Variants in SPATA13 observed in about 807,000 individuals in gnomAD.
SPATA13 encodes spermatogenesis associated 13, also known as spermatogenesis-associated protein 13.
Under a neutral mutation model 104.0 loss-of-function variants are expected in SPATA13, and 50 were observed. The ratio of observed to expected loss-of-function variants is 0.48; its 90% CI spans 0.38 to 0.61. The LOEUF (loss-of-function observed/expected upper bound fraction) is 0.61, where lower values mean the gene tolerates loss of function less well. Ranked by LOEUF, SPATA13 falls within the 20% of genes least tolerant of loss-of-function variation. SPATA13 has a pLI of 0.00. For synonymous variants in SPATA13, 606 were observed against 667.5 expected, an observed-to-expected ratio of 0.91 and a Z score of 1.42; for missense variants, 1,524 against 1,690.6, an observed-to-expected ratio of 0.90 and a Z score of 1.73.
chr13:24,258,251 A>T (rs542713049), intron 4 of SPATA13, among the ~76,000 whole-genome samples: 1 of 151,588 alleles, frequency 6.6e-6, no homozygotes, highest in Non-Finnish European at 1.5e-5. Context: ...AAAAAAAATA[A>T]AAAGAACTCT....
chr13:24,199,632 G>A (rs1870287680), intron 1 of SPATA13, among the ~76,000 whole-genome samples: 1 of 152,170 alleles, frequency 6.6e-6, no homozygotes, highest in African/African-American at 2.4e-5. Flanking sequence ...ATTGGCCAAT[G>A]TGTAGGTTTA....
chr13:24,052,470 T>G (rs1878378131), intron 3 of SPATA13, among the ~76,000 whole-genome samples: 1 of 146,968 alleles, frequency 6.8e-6, no homozygotes, highest in Non-Finnish European at 1.5e-5. Context: ...GGGTTCTAAC[T>G]ATTGATAAAA....
chr13:24,268,895 A>G (rs1008951112), intron 4 of SPATA13, among the ~76,000 whole-genome samples: 1 of 152,154 alleles, frequency 6.6e-6, no homozygotes, highest in Non-Finnish European at 1.5e-5. Context: ...CCTTACCTGG[A>G]TTTGAGGGTG....
chr13:24,077,316 C>T (rs1879365129), intron 3 of SPATA13, among the ~76,000 whole-genome samples: 1 of 144,944 alleles, frequency 6.9e-6, no homozygotes, highest in Admixed American at 6.9e-5. Context: ...TGGTTTAATT[C>T]ACAGTAGAGG....
chr13:24,113,862 C>T (rs1356950235), intron 3 of SPATA13, among the ~76,000 whole-genome samples: 1 of 111,766 alleles, frequency 8.9e-6, no homozygotes, highest in Non-Finnish European at 1.7e-5. Flanking sequence ...GAGTGAGACT[C>T]GATCTCAAAA....
chr13:24,057,027 C>G (rs1222399917), intron 3 of SPATA13, among the ~76,000 whole-genome samples: 1 of 111,954 alleles, frequency 8.9e-6, no homozygotes, highest in African/African-American at 3.2e-5. Context: ...CTCTCTCTCT[C>G]TCTCTTTCTT....
intron 3 of SPATA13, among the ~76,000 whole-genome samples, chr13:24,038,575 A>G (rs138725153): frequency 6.6e-6 from 1 of 152,148 alleles, no homozygotes. Context: ...TCTTCGGTAA[A>G]GTGCCGAGAG....
intron 1 of SPATA13, among the ~76,000 whole-genome samples, chr13:24,190,787 A>C (rs1274613893): frequency 6.6e-6 from 1 of 152,228 alleles, no homozygotes; most frequent in Non-Finnish European, 1.5e-5. Context: ...AATGACAACA[A>C]AGGATTTAGA....
In SPATA13 at chr13:24,286,655, C is replaced by A; in HGVS notation, c.2482-110C>A. The A allele has an allele frequency of 9.2e-7, 1 of 1,081,120 alleles. No homozygotes were observed. The highest frequency in any genetic ancestry group is 1.3e-6 in the Non-Finnish European group (1 of 759,950). 67.0% of individuals were successfully genotyped at this position (1,081,120 alleles called of 1,614,324 possible). ...CCATGAGACTCAGGCGAGGGCCAGG[C>A]TGCCTTCCTAACAGGTCACAGGAAA... On this transcript the variant is annotated intron_variant, in intron 6 of 12. Coordinates refer to ENST00000382108, the MANE Select transcript of SPATA13 (RefSeq NM_001166271.3). This position sits in a 1 kb window ranked among gnomAD's most constrained non-coding sequence, Gnocchi z 4.9.
intron 3 of SPATA13, among the ~76,000 whole-genome samples, chr13:24,075,837 G>C (rs1246523091): frequency 6.6e-6 from 1 of 152,170 alleles, no homozygotes; most frequent in Non-Finnish European, 1.5e-5. Flanking sequence ...GGGCCTGAAA[G>C]CATTTGCCGC....
chr13:24,170,329 T>C (rs1379532200), intron 1 of SPATA13, among the ~76,000 whole-genome samples: 1 of 152,238 alleles, frequency 6.6e-6, no homozygotes, highest in Non-Finnish European at 1.5e-5. Flanking sequence ...TTTCAGTGCA[T>C]GCCCAACTGC....
chr13:24,218,235 G>A (rs1196761423), intron 1 of SPATA13, among the ~76,000 whole-genome samples: 1 of 152,214 alleles, frequency 6.6e-6, no homozygotes, highest in Admixed American at 6.5e-5. Flanking sequence ...CCAGGTGGAA[G>A]GTAATGCAGG....
intron 3 of SPATA13, among the ~76,000 whole-genome samples, chr13:24,080,341 C>T (rs924268000): frequency 6.6e-6 from 1 of 152,210 alleles, no homozygotes; most frequent in Non-Finnish European, 1.5e-5. Flanking sequence ...AATGAATGGG[C>T]TGTGAAGAGA....
intron 2 of SPATA13, among the ~76,000 whole-genome samples, chr13:24,237,928 T>C (rs1020373848): frequency 6.7e-6 from 1 of 148,374 alleles, no homozygotes; most frequent in East Asian, 1.9e-4. Context: ...TATATAAACA[T>C]ACATGTTTAA....
At chr13:24,135,217 C>T (rs543872774) in intron 3 of SPATA13, among the ~76,000 whole-genome samples, 3 of 78,232 alleles carry the variant, frequency 3.8e-5, no homozygotes, top group Admixed American at 1.5e-4. Context: ...ACTCATTATT[C>T]GAAAAAAAAA....
intron 4 of SPATA13, among the ~76,000 whole-genome samples, chr13:24,281,258 T>G (rs954838552): frequency 2.0e-5 from 3 of 152,234 alleles, no homozygotes; most frequent in Non-Finnish European, 2.9e-5. Flanking sequence ...CAACCCCGTC[T>G]CTTGGTCTCT....
At chr13:24,167,104 C>T (rs1882768379) in intron 1 of SPATA13, among the ~76,000 whole-genome samples, 1 of 152,206 alleles carries the variant, frequency 6.6e-6, no homozygotes, top group Non-Finnish European at 1.5e-5. Flanking sequence ...TTTTTGAAAG[C>T]TTCCCAAGCG....
rs942272580 is a variant in SPATA13 at position 24,294,109 on chromosome 13, C to T, written c.3081-630C>T. On this transcript the variant is annotated intron_variant, in intron 9 of 12. Coordinates refer to ENST00000382108, the MANE Select transcript of SPATA13 (RefSeq NM_001166271.3). ...ATTAAAACTGTAGTTTCTGCTTTTC[C>T]GGTGCCTACAGTTTTAGCGGGCTTG... 2.6e-5 allele frequency among the ~76,000 whole-genome samples: 4 copies of T among 151,924 alleles called. No individual in the cohort carries two copies. In the South Asian group the frequency reaches 6.2e-4, roughly 24 times the overall value.
chr13:24,266,879 C>T (rs1874321963), intron 4 of SPATA13, among the ~76,000 whole-genome samples: 1 of 151,528 alleles, frequency 6.6e-6, no homozygotes, highest in Non-Finnish European at 1.5e-5. Context: ...GCAGCCTCAA[C>T]CTCTCAGTCT....
Sources: allele counts gnomAD v4.1 joint callset (sites outside exome capture counted in the v4.1 genomes callset), GRCh38; gene constraint gnomAD v4.1.1; non-coding constraint Gnocchi (gnomAD v3.1); transcripts MANE v1.5; gene names NCBI Gene and HGNC (gene_info 2026-07-23, HGNC 2026-07-21).